The following PPP1R12B variants were observed in gnomAD, a reference collection of about 807,000 sequenced individuals.
The protein encoded by PPP1R12B is protein phosphatase 1 regulatory subunit 12B, also known as myosin phosphatase target subunit 2.
Under a neutral mutation model 126.1 loss-of-function variants are expected in PPP1R12B, and 76 were observed. The ratio of observed to expected loss-of-function variants is 0.60; its 90% CI spans 0.50 to 0.73. PPP1R12B has a LOEUF of 0.73. Ranked by LOEUF, PPP1R12B falls within the 30% of genes least tolerant of loss-of-function variation. The pLI, the probability that PPP1R12B is intolerant of heterozygous loss-of-function variation, is 0.00. For missense variants in PPP1R12B, 1,052 were observed against 1,205.1 expected (o/e 0.87, Z 1.88); for synonymous variants, 356 against 434.7 (o/e 0.82, Z 2.25).
chr1:202,462,627 G>A (rs1406884245), intron 13 of PPP1R12B: 3 of 236,258 alleles, frequency 1.3e-5, no homozygotes, highest in Non-Finnish European at 2.1e-5. Flanking sequence ...TGATAAAGTG[G>A]TTCATTTTTC....
intron 18 of PPP1R12B, among the ~76,000 whole-genome samples, chr1:202,534,994 A>T (rs1440255337): frequency 6.6e-6 from 1 of 152,050 alleles, no homozygotes; most frequent in East Asian, 1.9e-4. Flanking sequence ...TGTGATAATG[A>T]CCATGTATTG....
intron 13 of PPP1R12B, chr1:202,472,145 C>T (rs1359114557): frequency 1.9e-5 from 23 of 1,232,304 alleles, no homozygotes; most frequent in South Asian, 1.6e-4. Context: ...TCATCACCGC[C>T]GGAAAACAAA....
chr1:202,370,816 G>A lies in PPP1R12B; in HGVS notation c.291+21674G>A, dbSNP rs962259163. ...GCCTCCTAAAGTGCTGGGATTACAGGCATCAGCCATCGTGCCCGGCTGAGA... is the reference window on the plus strand; with the variant it reads ...GCCTCCTAAAGTGCTGGGATTACAGACATCAGCCATCGTGCCCGGCTGAGA... On this transcript the variant is annotated intron_variant, in intron 1 of 23. Coordinates refer to ENST00000608999, the MANE Select transcript of PPP1R12B (RefSeq NM_002481.4). Among the ~76,000 whole-genome samples, 5 of 152,176 alleles carry A rather than the reference G, an allele frequency of 3.3e-5. No homozygotes were observed. In the East Asian group the frequency reaches 5.8e-4, roughly 18 times the overall value.
chr1:202,453,587 T>C (rs1347111166), intron 13 of PPP1R12B, among the ~76,000 whole-genome samples: 17 of 152,188 alleles, frequency 1.1e-4, no homozygotes, highest in Non-Finnish European at 2.2e-4. Context: ...AGTATGTATG[T>C]ATGTGTAGTA....
chr1:202,374,153 C>G (rs185893922), intron 1 of PPP1R12B, among the ~76,000 whole-genome samples: 1 of 152,104 alleles, frequency 6.6e-6, no homozygotes, highest in Non-Finnish European at 1.5e-5. Context: ...ACTGGATTCT[C>G]ATTATCTTTC....
intron 18 of PPP1R12B, among the ~76,000 whole-genome samples, chr1:202,523,952 A>G (rs1683056731): frequency 6.6e-6 from 1 of 152,114 alleles, no homozygotes; most frequent in South Asian, 2.1e-4. Flanking sequence ...TGACCTTGTG[A>G]TCTGCCTGCC....
chr1:202,404,305 A>G (rs1045073587), intron 1 of PPP1R12B, among the ~76,000 whole-genome samples: 61 of 152,042 alleles, frequency 4.0e-4, no homozygotes, highest in African/African-American at 1.4e-3. Context: ...TTAAATTTCT[A>G]TGCATGCCCC....
chr1:202,446,569 A>G (rs1325173444), intron 12 of PPP1R12B, among the ~76,000 whole-genome samples: 4 of 148,008 alleles, frequency 2.7e-5, no homozygotes, highest in East Asian at 1.9e-4. Flanking sequence ...GTATTACTAT[A>G]TTTTACATAT....
rs779950818 is a variant in PPP1R12B at position 202,488,549 on chromosome 1, G to C, written c.1867G>C (p.Val623Leu). The C allele has an allele frequency of 8.7e-6, 14 of 1,611,288 alleles. No homozygotes were observed. The Middle Eastern group carries it at 1.7e-3, about 190-fold the overall frequency. The change falls in exon 14 of 24, where the codon GTA becomes CTA. Residue 623 changes from valine (V) to leucine (L), a missense_variant. Coordinates refer to ENST00000608999, the MANE Select transcript of PPP1R12B (RefSeq NM_002481.4). ...TCTCTGCAGGTCCTATCTGACTCCT[G>C]TACGGGATGAGGAAGCAGAGTCTTT... is the stretch of plus-strand genomic sequence containing the variant. ...REKRRSYLTP[V>L]RDEEAESLRK...
intron 1 of PPP1R12B, among the ~76,000 whole-genome samples, chr1:202,379,327 A>T (rs1661825215): frequency 6.6e-6 from 1 of 152,232 alleles, no homozygotes; most frequent in South Asian, 2.1e-4. Context: ...ACATGTTAAC[A>T]ATAGAGGCTG....
intron 15 of PPP1R12B, among the ~76,000 whole-genome samples, chr1:202,493,613 G>A (rs1679171784): frequency 6.6e-6 from 1 of 152,260 alleles, no homozygotes; most frequent in South Asian, 2.1e-4. Context: ...TATATTGAGT[G>A]TTTACTTTAC....
At position 202,495,626 on chromosome 1, in the gene PPP1R12B, A is replaced by G; in HGVS notation, c.2392A>G (p.Arg798Gly). 2.5e-6 allele frequency: 4 copies of G among 1,614,156 alleles called. No homozygotes were observed. Among genetic ancestry groups the G allele is most frequent in the Non-Finnish European group, 2.5e-6 (3 of 1,180,020 alleles). Reference protein sequence around the residue: ...QSSKRLSIRERRRPKERRRGT... With the variant: ...QSSKRLSIREGRRPKERRRGT... ...CTCTAAGAGGCTGTCCATCCGAGAG[A>G]GGAGGCGGCCCAAGGAACGACGAAG... The change falls in exon 17 of 24, where the codon AGG becomes GGG. Residue 798 changes from arginine (R) to glycine (G), a missense_variant. By Grantham distance (125) the Arg-to-Gly change is moderately radical (BLOSUM62 -2). Transcript: ENST00000608999.
chr1:202,362,226 T>C (rs1658347906), intron 1 of PPP1R12B, among the ~76,000 whole-genome samples: 2 of 152,158 alleles, frequency 1.3e-5, no homozygotes, highest in Admixed American at 1.3e-4. Flanking sequence ...CTTCACTGTT[T>C]TGTAATTATT....
intron 10 of PPP1R12B, chr1:202,439,815 G>A (rs1671374183): frequency 7.3e-6 from 3 of 409,002 alleles, no homozygotes; most frequent in Non-Finnish European, 1.4e-5. Context: ...TCTCCTGCTG[G>A]GCTAGGTCTC....
chr1:202,529,652 G>A (rs1683721929), intron 18 of PPP1R12B, among the ~76,000 whole-genome samples: 1 of 152,100 alleles, frequency 6.6e-6, no homozygotes, highest in African/African-American at 2.4e-5. Context: ...TTAAGTTATA[G>A]GTTACATTTT....
At chr1:202,451,782 G>A (rs1478383109) in intron 13 of PPP1R12B, among the ~76,000 whole-genome samples, 8 of 151,062 alleles carry the variant, frequency 5.3e-5, no homozygotes, top group Non-Finnish European at 7.4e-5. Context: ...CGGACGGGGC[G>A]GCTGGCAGGG....
intron 1 of PPP1R12B, 21 bp downstream of exon 1, chr1:202,349,163 AGAGGCGTC>A (rs1655447936): frequency 2.5e-6 from 4 of 1,612,420 alleles, no homozygotes; most frequent in Admixed American, 1.7e-5. Flanking sequence ...TCTTGGTCTT[AGAGGCGTC>A]CAGTCTCCTA....
intron 18 of PPP1R12B, among the ~76,000 whole-genome samples, chr1:202,507,119 A>T (rs1160567540): frequency 6.6e-6 from 1 of 152,196 alleles, no homozygotes; most frequent in Non-Finnish European, 1.5e-5. Context: ...AGACAGTTCT[A>T]AAAATTCAAC....
chr1:202,415,182 C>G (rs1667909756), intron 1 of PPP1R12B, among the ~76,000 whole-genome samples: 1 of 152,108 alleles, frequency 6.6e-6, no homozygotes. Flanking sequence ...AAAAACATTT[C>G]TACTACTTCT....
Sources: gnomAD v4.1 joint callset for allele counts (sites outside exome capture counted in the v4.1 genomes callset) on GRCh38, gnomAD v4.1.1 for gene constraint, MANE v1.5 for transcripts, NCBI Gene and HGNC (gene_info 2026-07-23, HGNC 2026-07-21) for gene names.